The following PTPRF variants were observed in gnomAD, a reference collection of about 807,000 sequenced individuals.
PTPRF encodes the protein protein tyrosine phosphatase receptor type F.
In PTPRF, 59 loss-of-function variants were observed where a neutral mutation model predicts 201.8. The ratio of observed to expected loss-of-function variants is 0.29; its 90% confidence interval spans 0.24 to 0.36. PTPRF has a LOEUF of 0.36. Ranked by LOEUF, PTPRF falls within the 10% of genes least tolerant of loss-of-function variation. The pLI is 1.00. For missense variants in PTPRF, 2,132 were observed against 2,690.5 expected, an observed-to-expected ratio of 0.79 and a Z score of 4.59; for synonymous variants, 1,088 against 1,089.7, an observed-to-expected ratio of 1.00 and a Z score of 0.03.
rs1468107134 is a variant in PTPRF, at chr1:43,578,692, C to T, written c.569-118C>T. 1.7e-5 allele frequency: 13 copies of T among 749,026 alleles called. No individual in the cohort carries two copies. The East Asian group carries it at 2.9e-4, about 17-fold the overall frequency. 46.4% of individuals were successfully genotyped at this position (749,026 alleles called of 1,614,324 possible). Reference sequence around the variant, plus strand: ...AGCAGCAGGGGTGCCAGGGTGTGGCCTGGATGAGCTTCGACATCTGGTCAA... The same window carrying T: ...AGCAGCAGGGGTGCCAGGGTGTGGCTTGGATGAGCTTCGACATCTGGTCAA... On this transcript the variant is annotated intron_variant, in intron 6 of 33. Transcript: ENST00000359947.
chr1:43,613,479 C>A (rs1656986151), intron 22 of PTPRF, 139 bp from the exon 23 acceptor site: 5 of 736,068 alleles, frequency 6.8e-6, no homozygotes, highest in Non-Finnish European at 1.2e-5. Flanking sequence ...GCCGCATGTG[C>A]TGCTGTCTCC....
At chr1:43,592,986 T>A (rs1651245639) in intron 11 of PTPRF, among the ~76,000 whole-genome samples, 2 of 152,138 alleles carry the variant, frequency 1.3e-5, no homozygotes, top group Non-Finnish European at 2.9e-5. Flanking sequence ...CGGCTGTTTC[T>A]CCTCCCTATG....
chr1:43,545,118 G>A lies in PTPRF; in HGVS notation c.43G>A (p.Val15Met), dbSNP rs373829166. 2.5e-6 allele frequency: 4 copies of A among 1,590,658 alleles called. No individual in the cohort carries two copies. In the East Asian group the frequency reaches 6.9e-5, roughly 27 times the overall value. Residue 15 changes from valine to methionine, a missense_variant, in exon 3 of 34, where the codon GTG (valine) becomes ATG (methionine). Physicochemically the swap from Val to Met is conservative, Grantham distance 21. Coordinates refer to ENST00000359947, the MANE Select transcript of PTPRF (RefSeq NM_002840.5). ...CCCAGGGAGGACGATGGTGCCCCTTGTGCCTGCACTGGTGATGCTTGGTTT... is the reference window on the plus strand; with the variant it reads ...CCCAGGGAGGACGATGGTGCCCCTTATGCCTGCACTGGTGATGCTTGGTTT... ...PAPGRTMVPL[V>M]PALVMLGLVA...
At chr1:43,531,470 C>G (rs1251059143) in intron 1 of PTPRF, among the ~76,000 whole-genome samples, 1 of 147,282 alleles carries the variant, frequency 6.8e-6, no homozygotes, top group African/African-American at 2.5e-5. Context: ...CTCGTCCCCC[C>G]TTCTAGCGCG....
At chr1:43,615,371 C>T (rs1171904147) in intron 23 of PTPRF, among the ~76,000 whole-genome samples, 1 of 152,076 alleles carries the variant, frequency 6.6e-6, no homozygotes, top group Non-Finnish European at 1.5e-5. Context: ...CCAGCGCAGC[C>T]CTGCTTCCCC....
At position 43,603,874 on chromosome 1, in the gene PTPRF, A is replaced by T; in HGVS notation, c.2722A>T (p.Ile908Phe). 1.2e-6 allele frequency: 2 copies of T among 1,614,022 alleles called. No individual in the cohort carries two copies. Among genetic ancestry groups the T allele is most frequent in the African/African-American group, 1.3e-5 (1 of 75,044 alleles). Reference sequence around the variant, plus strand: ...CTTGGGTGAGGAGTTCGAGAAGGAGATCAGGACCCCCGAGGACCTGCCCAG... The same window carrying T: ...CTTGGGTGAGGAGTTCGAGAAGGAGTTCAGGACCCCCGAGGACCTGCCCAG... ...AGLGEEFEKEIRTPEDLPSGF... is the reference protein window; with the variant it reads ...AGLGEEFEKEFRTPEDLPSGF... The change falls in exon 16 of 34, where the codon ATC becomes TTC. Residue 908 changes from isoleucine to phenylalanine, a missense_variant. Transcript: ENST00000359947. The surrounding 1 kb of genome is among the most constrained non-coding windows in gnomAD (Gnocchi z 5.8).
intron 2 of PTPRF, among the ~76,000 whole-genome samples, chr1:43,540,966 T>C (rs995900594): frequency 6.6e-5 from 10 of 152,256 alleles, no homozygotes; most frequent in Admixed American, 3.9e-4. Flanking sequence ...GCTGCTGCAG[T>C]GCCACGCGGT....
At chr1:43,611,563 T>C (rs1656454854) in intron 22 of PTPRF, among the ~76,000 whole-genome samples, 1 of 152,170 alleles carries the variant, frequency 6.6e-6, no homozygotes, top group African/African-American at 2.4e-5. Flanking sequence ...CTCTTCAGGA[T>C]GCCAGGGAGG....
rs952554452 is a variant in PTPRF, at chr1:43,542,879, G to A, written c.-45-2152G>A. The stretch of plus-strand genomic sequence containing the variant: ...CTGGGGAGCTATATCCCATGATGAC[G>A]GTGCTGTGCATTTTATTTTCATAGC... On this transcript the variant is annotated intron_variant, in intron 2 of 33. Coordinates refer to ENST00000359947, the MANE Select transcript of PTPRF (RefSeq NM_002840.5). This position sits in a 1 kb window ranked among gnomAD's most constrained non-coding sequence, Gnocchi z 5.2. Among the ~76,000 whole-genome samples, 9 of 152,144 alleles carry A rather than the reference G, an allele frequency of 5.9e-5. No individual in the cohort carries two copies. Among genetic ancestry groups the A allele is most frequent in the East Asian group, 5.8e-4 (3 of 5,200 alleles).
Position 43,603,785 on chromosome 1 carries a change from C to G in PTPRF, c.2633C>G (p.Thr878Arg). The change falls in exon 16 of 34, where the codon ACA (threonine) becomes AGA (arginine). Residue 878 changes from threonine to arginine, a missense_variant. Thr to Arg is a moderately conservative substitution (Grantham distance 71, BLOSUM62 -1). Transcript: ENST00000359947. The surrounding 1 kb of genome is among the most constrained non-coding windows in gnomAD (Gnocchi z 5.8). ...TTCGGCAAGGATGACCAGCACTTCA[C>G]AGTCACCGGCCTGCACAAGGGGACC... ...IDFGKDDQHFTVTGLHKGTTY... is the reference protein window; with the variant it reads ...IDFGKDDQHFRVTGLHKGTTY... 6.2e-7 allele frequency: 1 copy of G among 1,614,116 alleles called. No individual in the cohort carries two copies. The highest frequency in any genetic ancestry group is 8.5e-7 in the Non-Finnish European group (1 of 1,180,048).
At position 43,537,695 on chromosome 1, in the gene PTPRF, G is replaced by A. The variant is rs761595641; in HGVS notation, c.-125-503G>A. 3.9e-5 allele frequency among the ~76,000 whole-genome samples: 6 copies of A among 152,272 alleles called. No individual in the cohort carries two copies. Among genetic ancestry groups the A allele is most frequent in the African/African-American group, 7.2e-5 (3 of 41,476 alleles). Reference sequence around the variant, plus strand: ...GTGCCACTGGACTTGAGATCCGAGGGTAAGTTGGCCAGAAGAGCATGGGTA... The same window carrying A: ...GTGCCACTGGACTTGAGATCCGAGGATAAGTTGGCCAGAAGAGCATGGGTA... On this transcript the variant is annotated intron_variant, in intron 1 of 33. Coordinates refer to ENST00000359947, the MANE Select transcript of PTPRF (RefSeq NM_002840.5). This position sits in a 1 kb window ranked among gnomAD's most constrained non-coding sequence, Gnocchi z 4.8.
At chr1:43,604,253 T>G (rs900919892) in intron 16 of PTPRF, 64 bp downstream of exon 16, 10 of 1,528,306 alleles carry the variant, frequency 6.5e-6, no homozygotes, top group Non-Finnish European at 8.9e-6. Context: ...TCTGCTCTCC[T>G]TGAGCCACTG....
chr1:43,598,069 G>C lies in PTPRF; in HGVS notation c.2119+16G>C. On this transcript the variant is annotated intron_variant, in intron 12 of 33. Coordinates refer to ENST00000359947, the MANE Select transcript of PTPRF (RefSeq NM_002840.5). ...GATGAGGACGGTAGGCAGTGCCACCGGGGCGGGAGGGGAGGCGTTCTGCCT... is the reference window on the plus strand; with the variant it reads ...GATGAGGACGGTAGGCAGTGCCACCCGGGCGGGAGGGGAGGCGTTCTGCCT... 1 of 1,454,170 alleles carries C rather than the reference G, an allele frequency of 6.9e-7. No individual in the cohort carries two copies. The allele number at this position is 1,454,170 out of a possible 1,614,324, so 90.1% of individuals were successfully genotyped here.
chr1:43,581,771 CAG>C (rs1306103819), intron 7 of PTPRF, among the ~76,000 whole-genome samples: 2 of 152,222 alleles, frequency 1.3e-5, no homozygotes, highest in African/African-American at 4.8e-5. Flanking sequence ...CATCTCCCAG[CAG>C]AGAGGCTTCG....
At chr1:43,615,238 C>G (rs1238835978) in intron 23 of PTPRF, among the ~76,000 whole-genome samples, 2 of 152,220 alleles carry the variant, frequency 1.3e-5, no homozygotes, top group Non-Finnish European at 2.9e-5. Flanking sequence ...CTATAGGGCC[C>G]CCCTGGGGCC....
chr1:43,622,872 AAAAC>A lies in PTPRF; in HGVS notation c.*873_*876del, dbSNP rs1365350132. 6.6e-6 allele frequency: 1 copy of A among 152,588 alleles called. No homozygotes were observed. Among genetic ancestry groups the A allele is most frequent in the East Asian group, 1.9e-4 (1 of 5,198 alleles). 9.5% of individuals were successfully genotyped at this position (152,588 alleles called of 1,614,324 possible). ...CAAAAACAAAAAACCACAAAAATAAAAAACAAAAAAAACAAAAAACCCAAGAAAA... is the reference window on the plus strand; with the variant it reads ...CAAAAACAAAAAACCACAAAAATAAAAAAAAAAACAAAAAACCCAAGAAAA... On this transcript the variant is annotated 3_prime_UTR_variant, in exon 34 of 34. Transcript: ENST00000359947.
At chr1:43,547,937 G>A (rs1569657738) in intron 3 of PTPRF, among the ~76,000 whole-genome samples, 2 of 152,332 alleles carry the variant, frequency 1.3e-5, no homozygotes, top group East Asian at 3.9e-4. Flanking sequence ...GATCTCAAGT[G>A]CGTGTCGCGT....
intron 11 of PTPRF, among the ~76,000 whole-genome samples, chr1:43,596,042 T>C (rs1019983692): frequency 6.6e-6 from 1 of 151,998 alleles, no homozygotes; most frequent in Non-Finnish European, 1.5e-5. Context: ...ATCTAGGGCT[T>C]GGCAGCGGCC....
At chr1:43,525,804 C>CAAAAAAAAAAAAAAAA (rs1179056466), upstream of PTPRF, among the ~76,000 whole-genome samples, 1 of 35,566 alleles carries the variant, frequency 2.8e-5, no homozygotes, top group Non-Finnish European at 4.7e-5. Context: ...GACTCAGTCT[C>CAAAAAAAAAAAAAAAA]AAAAAAAAAA....
Sources: allele counts gnomAD v4.1 joint callset (sites outside exome capture counted in the v4.1 genomes callset), GRCh38; gene constraint gnomAD v4.1.1; non-coding constraint Gnocchi (gnomAD v3.1); transcripts MANE v1.5; gene names NCBI Gene and HGNC (gene_info 2026-07-23, HGNC 2026-07-21).